Variants in TMEM132C observed in about 807,000 individuals in gnomAD.
TMEM132C encodes transmembrane protein 132C.
TMEM132C carries 29 observed loss-of-function variants against 61.4 expected under a neutral mutation model. The observed-to-expected ratio is 0.47, with a 90% CI of 0.35 to 0.64. The LOEUF (loss-of-function observed/expected upper bound fraction) is 0.64, where lower values mean the gene tolerates loss of function less well. Among genes scored for constraint, TMEM132C ranks in the 30% least tolerant of loss-of-function variants. The pLI, the probability that TMEM132C is intolerant of heterozygous loss-of-function variation, is 0.00. For synonymous variants in TMEM132C, 656 were observed against 633.1 expected, an observed-to-expected ratio of 1.04 and a Z score of -0.54; for missense variants, 1,408 against 1,476.9, an observed-to-expected ratio of 0.95 and a Z score of 0.76.
chr12:128,393,242 G>A (rs1874828628), intron 1 of TMEM132C, among the ~76,000 whole-genome samples: 1 of 152,184 alleles, frequency 6.6e-6, no homozygotes, highest in Non-Finnish European at 1.5e-5. Flanking sequence ...CTCACTTGCA[G>A]CTAATCCAGG....
chr12:128,295,880 C>T (rs1428831916), intron 1 of TMEM132C, among the ~76,000 whole-genome samples: 1 of 152,102 alleles, frequency 6.6e-6, no homozygotes, highest in African/African-American at 2.4e-5. Context: ...TTTCTCTCTG[C>T]TCTGTCATTT....
chr12:128,491,103 T>G (rs1435647409), intron 2 of TMEM132C, among the ~76,000 whole-genome samples: 1 of 152,166 alleles, frequency 6.6e-6, no homozygotes, highest in Non-Finnish European at 1.5e-5. Context: ...TTGACCATAG[T>G]GTAGCCCTGT....
intron 1 of TMEM132C, among the ~76,000 whole-genome samples, chr12:128,366,289 G>C (rs1349233646): frequency 6.6e-6 from 1 of 152,128 alleles, no homozygotes; most frequent in Non-Finnish European, 1.5e-5. Flanking sequence ...AGCCTTTGAG[G>C]GAACTGTTCA....
At chr12:128,576,843 C>G (rs938071598) in intron 3 of TMEM132C, among the ~76,000 whole-genome samples, 3 of 152,182 alleles carry the variant, frequency 2.0e-5, no homozygotes, top group Non-Finnish European at 4.4e-5. Flanking sequence ...ATTTTGCTGG[C>G]AGAAAGCTGT....
intron 4 of TMEM132C, among the ~76,000 whole-genome samples, chr12:128,651,343 A>C (rs1452320376): frequency 3.3e-5 from 5 of 152,210 alleles, no homozygotes; most frequent in Non-Finnish European, 7.3e-5. Flanking sequence ...GGCTCTTCAG[A>C]CAACGACTCC....
At chr12:128,388,518 C>T (rs958897135) in intron 1 of TMEM132C, among the ~76,000 whole-genome samples, 9 of 152,248 alleles carry the variant, frequency 5.9e-5, no homozygotes, top group African/African-American at 2.2e-4. Context: ...TGTCTGAGGG[C>T]CAGTGAGGCC....
intron 2 of TMEM132C, among the ~76,000 whole-genome samples, chr12:128,542,632 C>T (rs1006378289): frequency 2.6e-5 from 4 of 152,040 alleles, no homozygotes; most frequent in Non-Finnish European, 4.4e-5. Context: ...GAGGCCAAGG[C>T]GGGTGGATCA....
Position 128,565,630 on chromosome 12 carries a change from CG to C in TMEM132C, c.1121+21531del, listed in dbSNP as rs571834472. 3.3e-5 allele frequency among the ~76,000 whole-genome samples: 5 copies of C among 152,084 alleles called. No individual in the cohort carries two copies. The South Asian group carries it at 1.0e-3, about 32-fold the overall frequency. On this transcript the variant is annotated intron_variant, in intron 3 of 8. Coordinates refer to ENST00000435159, the MANE Select transcript of TMEM132C (RefSeq NM_001136103.3). ...TCACAATAAACCTTTGAGAGCTGGA[CG>C]GGGTAGTGGGAATTCATGTCACAGG...
chr12:128,298,530 G>T (rs576108827), intron 1 of TMEM132C, among the ~76,000 whole-genome samples: 17 of 152,088 alleles, frequency 1.1e-4, no homozygotes, highest in African/African-American at 3.6e-4. Context: ...ACTACGGTAC[G>T]TACGACTCAC....
At chr12:128,316,436 G>A (rs967129756) in intron 1 of TMEM132C, among the ~76,000 whole-genome samples, 4 of 152,172 alleles carry the variant, frequency 2.6e-5, no homozygotes, top group African/African-American at 9.7e-5. Context: ...TTGGAGACAG[G>A]ACGTTTCCAT....
At chr12:128,675,376 G>A (rs1954573044) in intron 5 of TMEM132C, among the ~76,000 whole-genome samples, 2 of 152,192 alleles carry the variant, frequency 1.3e-5, no homozygotes, top group Admixed American at 6.5e-5. Context: ...GAGGCCACCT[G>A]CCTGAGGTCA....
At chr12:128,414,139 C>A (rs1211150381) in intron 1 of TMEM132C, among the ~76,000 whole-genome samples, 2 of 152,094 alleles carry the variant, frequency 1.3e-5, no homozygotes, top group African/African-American at 4.8e-5. Flanking sequence ...GTAATCCCAA[C>A]ACTTTAGGAG....
intron 1 of TMEM132C, chr12:128,294,175 G>C (rs1325343532): frequency 6.5e-6 from 1 of 154,686 alleles, no homozygotes; most frequent in African/African-American, 2.4e-5. Context: ...GACACCCCTA[G>C]CTCAGCATCT....
chr12:128,324,059 T>C (rs1690717978), intron 1 of TMEM132C, among the ~76,000 whole-genome samples: 1 of 152,200 alleles, frequency 6.6e-6, no homozygotes, highest in South Asian at 2.1e-4. Flanking sequence ...ATATGCTCTG[T>C]GCTACATGGA....
intron 1 of TMEM132C, among the ~76,000 whole-genome samples, chr12:128,338,086 C>CT (rs3996468): frequency 0.077 from 11,113 of 144,622 alleles, 1,012 homozygotes; most frequent in African/African-American, 0.23. Context: ...TTACATCTGG[C>CT]TTTTTTTTTT....
chr12:128,507,145 G>T (rs891627936), intron 2 of TMEM132C, among the ~76,000 whole-genome samples: 1 of 152,046 alleles, frequency 6.6e-6, no homozygotes, highest in Admixed American at 6.5e-5. Flanking sequence ...TCTGAGTTGG[G>T]TTTCTGCTGC....
At chr12:128,377,901 A>G (rs1037589937) in intron 1 of TMEM132C, among the ~76,000 whole-genome samples, 4 of 152,076 alleles carry the variant, frequency 2.6e-5, no homozygotes, top group African/African-American at 7.2e-5. Context: ...TTTGAGGGGA[A>G]CTGCAGGTTC....
At chr12:128,512,908 C>G (rs558531829) in intron 2 of TMEM132C, among the ~76,000 whole-genome samples, 1 of 152,336 alleles carries the variant, frequency 6.6e-6, no homozygotes, top group South Asian at 2.1e-4. Context: ...TTTCCACGCT[C>G]TCAATCTGAG....
chr12:128,369,812 A>T (rs1873977303), intron 1 of TMEM132C, among the ~76,000 whole-genome samples: 1 of 152,190 alleles, frequency 6.6e-6, no homozygotes, highest in Non-Finnish European at 1.5e-5. Flanking sequence ...CTGCCATGGA[A>T]GCTTCAGTCC....
Sources: allele counts gnomAD v4.1 joint callset (sites outside exome capture counted in the v4.1 genomes callset), GRCh38; gene constraint gnomAD v4.1.1; transcripts MANE v1.5; gene names NCBI Gene and HGNC (gene_info 2026-07-23, HGNC 2026-07-21).